The following ZNF549 variants were observed in gnomAD, a reference collection of about 807,000 sequenced individuals.
ZNF549 encodes zinc finger protein 549.
ZNF549 carries 11 observed loss-of-function variants against 11.1 expected under a neutral mutation model. That is an observed-to-expected ratio of 0.99 (90% CI 0.62 to 1.64). The LOEUF (loss-of-function observed/expected upper bound fraction) is 1.64, where lower values mean the gene tolerates loss of function less well. Among genes scored for constraint, ZNF549 ranks in the 40% most tolerant of loss-of-function variants. ZNF549 has a pLI of 0.00. For synonymous variants in ZNF549, 266 were observed against 269.1 expected, an observed-to-expected ratio of 0.99 and a Z score of 0.11; for missense variants, 748 against 765.1, an observed-to-expected ratio of 0.98 and a Z score of 0.26.
At position 57,539,057 on chromosome 19, in the gene ZNF549, T is replaced by A; in HGVS notation, c.*130T>A. 1 of 1,087,936 alleles carries A rather than the reference T, an allele frequency of 9.2e-7. No individual in the cohort carries two copies. 67.4% of individuals were successfully genotyped at this position (1,087,936 alleles called of 1,614,324 possible). On this transcript the variant is annotated 3_prime_UTR_variant, in exon 4 of 4. Coordinates refer to ENST00000376233, the MANE Select transcript of ZNF549 (RefSeq NM_001199295.2). Reference sequence around the variant, plus strand: ...ACTAGTTGAAAGATTCACTACAAGGTCCAAGTACTTGGGAAGCTTTCTAGA... The same window carrying A: ...ACTAGTTGAAAGATTCACTACAAGGACCAAGTACTTGGGAAGCTTTCTAGA...
In ZNF549 at chr19:57,537,274, G is replaced by A; in HGVS notation, c.270G>A (p.Gln90=). The change falls in exon 4 of 4, where the codon CAG becomes CAA. Residue 90 remains glutamine (Q), a synonymous_variant. Transcript: ENST00000376233. ...CTCTTTCTGCGCAAGGAGTGTCACA[G>A]GCCAGGACTCCAAAGCTAGGTCCTT... The part of the protein sequence containing the change: ...EQTLSAQGVS[Q]ARTPKLGPSI... The A allele has an allele frequency of 6.2e-7, 1 of 1,614,210 alleles. No individual in the cohort carries two copies. Among genetic ancestry groups the A allele is most frequent in the Admixed American group, 1.7e-5 (1 of 60,032 alleles).
intron 2 of ZNF549, among the ~76,000 whole-genome samples, chr19:57,533,732 T>A (rs2089913059): frequency 6.6e-6 from 1 of 152,282 alleles, no homozygotes; most frequent in Non-Finnish European, 1.5e-5. Context: ...CATGAGTTTC[T>A]GCTCCTGTGA....
At chr19:57,533,880 T>C (rs528210505) in intron 2 of ZNF549, among the ~76,000 whole-genome samples, 1 of 152,332 alleles carries the variant, frequency 6.6e-6, no homozygotes, top group South Asian at 2.1e-4. Context: ...GCTATTGTGA[T>C]AGAGTGGCCA....
At chr19:57,531,142 C>T in intron 2 of ZNF549, 34 bp downstream of exon 2, 5 of 1,596,556 alleles carry the variant, frequency 3.1e-6, no homozygotes, top group Non-Finnish European at 4.2e-6. Flanking sequence ...TTCACTGGCC[C>T]TGTTCCCTAA....
rs762828630 is a variant in ZNF549, at chr19:57,531,072, T to A, written c.36T>A (p.Ile12=). 1.9e-6 allele frequency: 3 copies of A among 1,598,348 alleles called. No individual in the cohort carries two copies. The highest frequency in any genetic ancestry group is 2.2e-5 in the East Asian group (1 of 44,874). ...TCATAGCCTCCCTCTTCCTACAGATTCCCATGGTAACAGAAGAGTTTGTGA... is the reference window on the plus strand; with the variant it reads ...TCATAGCCTCCCTCTTCCTACAGATACCCATGGTAACAGAAGAGTTTGTGA... ...AEAALVITPQ[I]PMVTEEFVKP... The change falls in exon 2 of 4, where the codon ATT becomes ATA. Residue 12 remains isoleucine, a splice_region_variant and synonymous_variant. Transcript: ENST00000376233.
rs766648233 is a variant in ZNF549 at position 57,538,444 on chromosome 19, A to G, written c.1440A>G (p.Lys480=). 1.9e-6 allele frequency: 3 copies of G among 1,614,104 alleles called. No individual in the cohort carries two copies. The highest frequency in any genetic ancestry group is 2.7e-5 in the African/African-American group (2 of 74,934). The change falls in exon 4 of 4, where the codon AAA becomes AAG. Residue 480 remains lysine, a synonymous_variant. Transcript: ENST00000376233. ...ERAYECSDCG[K]AFISKQTLLK... ...CTTATGAATGCAGTGACTGTGGGAA[A>G]GCCTTCATCTCCAAACAAACACTTC...
chr19:57,532,354 G>A (rs2089907727), intron 2 of ZNF549, among the ~76,000 whole-genome samples: 1 of 152,192 alleles, frequency 6.6e-6, no homozygotes, highest in Admixed American at 6.5e-5. Flanking sequence ...TCCTCATAGA[G>A]GGTGGCACAG....
In ZNF549 at chr19:57,527,485, G is replaced by C. The variant is rs1030726472; in HGVS notation, c.-89G>C. 2 of 1,572,502 alleles carry C rather than the reference G, an allele frequency of 1.3e-6. No individual in the cohort carries two copies. Among genetic ancestry groups the C allele is most frequent in the African/African-American group, 2.7e-5 (2 of 73,684 alleles). ...AGAGGAGCTTGCCTGGTCTCGGTCT[G>C]AGCGTCGCCCAGCGATTTGCCACCG... is the stretch of plus-strand genomic sequence containing the variant. On this transcript the variant is annotated 5_prime_UTR_variant, in exon 1 of 4. Coordinates refer to ENST00000376233, the MANE Select transcript of ZNF549 (RefSeq NM_001199295.2).
Position 57,538,930 on chromosome 19 carries a change from A to G in ZNF549, c.*3A>G. 6 of 1,593,604 alleles carry G rather than the reference A, an allele frequency of 3.8e-6. No individual in the cohort carries two copies. Among genetic ancestry groups the G allele is most frequent in the East Asian group, 2.2e-5 (1 of 44,794 alleles). On this transcript the variant is annotated 3_prime_UTR_variant, in exon 4 of 4. Transcript: ENST00000376233. ...TACATATAACAGAAGAGCCCTAGCA[A>G]TTGTTGGGATGTGTAATTGTCTTAT...
At chr19:57,529,495 G>A (rs2089894181) in intron 1 of ZNF549, among the ~76,000 whole-genome samples, 1 of 152,200 alleles carries the variant, frequency 6.6e-6, no homozygotes, top group South Asian at 2.1e-4. Context: ...AAAAACATGT[G>A]AATGTGGTAT....
Position 57,527,369 on chromosome 19 carries a change from G to T in ZNF549, c.-205G>T. On this transcript the variant is annotated 5_prime_UTR_variant, in exon 1 of 4. Coordinates refer to ENST00000376233, the MANE Select transcript of ZNF549 (RefSeq NM_001199295.2). ...CCGGTGGTGGTCGTTTTTGCTGCCT[G>T]CGAGCGCGTCCGCGGGCTGGGCGTT... The T allele has an allele frequency of 1.5e-6, 1 of 685,394 alleles. No homozygotes were observed. The highest frequency in any genetic ancestry group is 1.7e-5 in the South Asian group (1 of 58,912). The allele number at this position is 685,394 out of a possible 1,614,324, so 42.5% of individuals were successfully genotyped here.
chr19:57,537,998 T>C lies in ZNF549; in HGVS notation c.994T>C (p.Tyr332His). 6.2e-7 allele frequency: 1 copy of C among 1,614,194 alleles called. No homozygotes were observed. Among genetic ancestry groups the C allele is most frequent in the Non-Finnish European group, 8.5e-7 (1 of 1,180,030 alleles). ...HQRTHNGEKP[Y>H]VCNVCGKSFR... ...GAGAACCCATAATGGAGAAAAGCCTTATGTGTGCAATGTATGTGGGAAATC... is the reference window on the plus strand; with the variant it reads ...GAGAACCCATAATGGAGAAAAGCCTCATGTGTGCAATGTATGTGGGAAATC... Residue 332 changes from tyrosine (Y) to histidine (H), a missense_variant, in exon 4 of 4, where the codon TAT becomes CAT. By Grantham distance (83) the Tyr-to-His change is moderately conservative. Transcript: ENST00000376233.
chr19:57,537,468 G>C lies in ZNF549; in HGVS notation c.464G>C (p.Ser155Thr). Residue 155 changes from serine to threonine, a missense_variant, in exon 4 of 4, where the codon AGT becomes ACT. Ser to Thr is a moderately conservative substitution (Grantham distance 58). Transcript: ENST00000376233. Reference sequence around the variant, plus strand: ...CTGCAACAGCACCAGAACCAGGACAGTGGAGAGAAACACATCAGAAAGGAG... The same window carrying C: ...CTGCAACAGCACCAGAACCAGGACACTGGAGAGAAACACATCAGAAAGGAG... ...SNLQQHQNQD[S>T]GEKHIRKEES... 6.2e-7 allele frequency: 1 copy of C among 1,614,242 alleles called. No homozygotes were observed. Among genetic ancestry groups the C allele is most frequent in the Non-Finnish European group, 8.5e-7 (1 of 1,180,046 alleles).
In ZNF549 at chr19:57,531,054, C is replaced by T; in HGVS notation, c.34-16C>T. 1 of 1,598,238 alleles carries T rather than the reference C, an allele frequency of 6.3e-7. No individual in the cohort carries two copies. On this transcript the variant is annotated splice_polypyrimidine_tract_variant and intron_variant, in intron 1 of 3. Coordinates refer to ENST00000376233, the MANE Select transcript of ZNF549 (RefSeq NM_001199295.2). ...ACCTTGAACACCTGTATTTCATAGCCTCCCTCTTCCTACAGATTCCCATGG... is the reference window on the plus strand; with the variant it reads ...ACCTTGAACACCTGTATTTCATAGCTTCCCTCTTCCTACAGATTCCCATGG...
At chr19:57,534,729 T>A (rs2089917110) in intron 2 of ZNF549, among the ~76,000 whole-genome samples, 1 of 152,160 alleles carries the variant, frequency 6.6e-6, no homozygotes, top group African/African-American at 2.4e-5. Context: ...TGGATCCTTG[T>A]TGCATTTAGC....
At position 57,529,415 on chromosome 19, in the gene ZNF549, T is replaced by TA. The variant is rs568274748; in HGVS notation, c.34-1654dup. On this transcript the variant is annotated intron_variant, in intron 1 of 3. Transcript: ENST00000376233. The stretch of plus-strand genomic sequence containing the variant: ...ATAACTGGAAATAATATAGAACAGT[T>TA]ATACTTTATAAGTTAATAAAAGTTA... 4.5e-3 allele frequency among the ~76,000 whole-genome samples: 684 copies of TA among 152,350 alleles called. 5 individuals carry two copies. Among genetic ancestry groups the TA allele is most frequent in the African/African-American group, 0.015 (635 of 41,572 alleles).
chr19:57,538,081 G>A lies in ZNF549; in HGVS notation c.1077G>A (p.Arg359=). ...GHQQRIHTGE[R]PYVCMECGKS... is the part of the protein sequence containing the mutation. The stretch of plus-strand genomic sequence containing the variant: ...AGCAGAGAATCCACACTGGAGAGAG[G>A]CCTTATGTGTGTATGGAATGTGGGA... The change falls in exon 4 of 4, where the codon AGG becomes AGA. Residue 359 remains arginine, a synonymous_variant. Coordinates refer to ENST00000376233, the MANE Select transcript of ZNF549 (RefSeq NM_001199295.2). 1.2e-6 allele frequency: 2 copies of A among 1,614,102 alleles called. No homozygotes were observed. The highest frequency in any genetic ancestry group is 1.1e-5 in the South Asian group (1 of 91,084).
Position 57,539,566 on chromosome 19 carries a change from G to A in ZNF549, c.*639G>A, listed in dbSNP as rs1220565249. 6.6e-6 allele frequency: 1 copy of A among 152,232 alleles called. No homozygotes were observed. Among genetic ancestry groups the A allele is most frequent in the African/African-American group, 2.4e-5 (1 of 41,426 alleles). The allele number at this position is 152,232 out of a possible 1,614,324, so 9.4% of individuals were successfully genotyped here. On this transcript the variant is annotated 3_prime_UTR_variant, in exon 4 of 4. Transcript: ENST00000376233. Reference sequence around the variant, plus strand: ...TTTTATTGGTTTCCAAGGTCTCCTAGGAAGGAGAGCAGAGCTGTGTGGTCC... The same window carrying A: ...TTTTATTGGTTTCCAAGGTCTCCTAAGAAGGAGAGCAGAGCTGTGTGGTCC...
intron 3 of ZNF549, 26 bp from the exon 4 acceptor site, chr19:57,537,178 C>G (rs1372288648): frequency 6.3e-7 from 1 of 1,593,694 alleles, no homozygotes; most frequent in East Asian, 2.2e-5. Flanking sequence ...TCTGCATATA[C>G]TTCACTTGCA....
Sources: gnomAD v4.1 joint callset for allele counts (sites outside exome capture counted in the v4.1 genomes callset) on GRCh38, gnomAD v4.1.1 for gene constraint, MANE v1.5 for transcripts, NCBI Gene and HGNC (gene_info 2026-07-23, HGNC 2026-07-21) for gene names.